YAF2: variants seen among roughly 807,000 people sequenced by gnomAD.
The protein encoded by YAF2 is YY1-associated factor 2.
Under a neutral mutation model 20.1 loss-of-function variants are expected in YAF2, and 7 were observed. That is an observed-to-expected ratio of 0.35 (90% CI 0.20 to 0.65). The LOEUF is 0.65. Ranked by LOEUF, YAF2 falls within the 30% of genes least tolerant of loss-of-function variation. The probability of loss-of-function intolerance (pLI) is 0.69; values close to 1 mark genes in which losing one functional copy is unlikely to be tolerated. For synonymous variants in YAF2, 74 were observed against 76.0 expected, an observed-to-expected ratio of 0.97 and a Z score of 0.14; for missense variants, 151 against 219.2, an observed-to-expected ratio of 0.69 and a Z score of 1.96.
intron 2 of YAF2, among the ~76,000 whole-genome samples, chr12:42,193,617 C>G (rs1041578541): frequency 6.6e-6 from 1 of 152,086 alleles, no homozygotes; most frequent in Non-Finnish European, 1.5e-5. Flanking sequence ...AGTGATCCTC[C>G]CACCTCAGCC....
At position 42,158,241 on chromosome 12, in the gene YAF2, T is replaced by C. The variant is rs1277742123; in HGVS notation, c.*2348A>G. On this transcript the variant is annotated 3_prime_UTR_variant, in exon 4 of 4. Transcript: ENST00000534854. ...TTAATTCATTTCTCCAATCTCATAG[T>C]GCACACCCACCAGGTTCTTTAATTA... The C allele has an allele frequency of 6.6e-6, 1 of 152,198 alleles. No individual in the cohort carries two copies. The highest frequency in any genetic ancestry group is 1.5e-5 in the Non-Finnish European group (1 of 68,020). 9.4% of individuals were successfully genotyped at this position (152,198 alleles called of 1,614,324 possible). A position where few individuals can be genotyped will look rare whatever the true frequency, so the allele number is the denominator to read the frequency against.
chr12:42,177,034 G>A (rs2066214120), intron 2 of YAF2, among the ~76,000 whole-genome samples: 1 of 152,160 alleles, frequency 6.6e-6, no homozygotes, highest in African/African-American at 2.4e-5. Flanking sequence ...AGCAGCCACT[G>A]TGATCCTTCC....
intron 2 of YAF2, among the ~76,000 whole-genome samples, chr12:42,236,571 G>GT (rs2068164478): frequency 1.3e-5 from 2 of 152,054 alleles, no homozygotes; most frequent in African/African-American, 4.8e-5. Flanking sequence ...TCTGTAAAGT[G>GT]TTTTTTAAAA....
chr12:42,189,546 C>T (rs1161172926), intron 2 of YAF2, among the ~76,000 whole-genome samples: 1 of 152,098 alleles, frequency 6.6e-6, no homozygotes, highest in African/African-American at 2.4e-5. Context: ...TGCACAGTAG[C>T]AGAAATGTGA....
Position 42,177,593 on chromosome 12 carries a change from A to G in YAF2, c.153-15828T>C, listed in dbSNP as rs7299729. On this transcript the variant is annotated intron_variant, in intron 2 of 3. Transcript: ENST00000534854. ...CCTCCTACCAGCCTTATCTCCAAAT[A>G]CAGTCACATAGGGGGTGAGGGCTTC... Among the ~76,000 whole-genome samples the G allele has an allele frequency of 9.5e-3, 1,450 of 152,204 alleles. 32 individuals carry two copies. Among genetic ancestry groups the G allele is most frequent in the African/African-American group, 0.033 (1,355 of 41,528 alleles).
intron 2 of YAF2, among the ~76,000 whole-genome samples, chr12:42,206,398 C>T (rs1348730931): frequency 6.6e-6 from 1 of 151,340 alleles, no homozygotes; most frequent in East Asian, 1.9e-4. Flanking sequence ...CACCTGAGGT[C>T]AGGAGTTCGA....
intron 2 of YAF2, chr12:42,212,505 T>C (rs536433433): frequency 6.9e-6 from 3 of 434,026 alleles, no homozygotes; most frequent in African/African-American, 6.1e-5. Flanking sequence ...AAAGAAAGTG[T>C]ATAGTTTTTC....
At chr12:42,221,529 G>A (rs548411586) in intron 2 of YAF2, among the ~76,000 whole-genome samples, 14 of 152,160 alleles carry the variant, frequency 9.2e-5, no homozygotes, top group Admixed American at 7.9e-4. Context: ...ACTGCACTCC[G>A]GCCTGGGTGA....
At chr12:42,228,296 G>C (rs1421376015) in intron 2 of YAF2, among the ~76,000 whole-genome samples, 2 of 32,740 alleles carry the variant, frequency 6.1e-5, no homozygotes, top group Admixed American at 5.3e-4. Flanking sequence ...GGAGGGAGGT[G>C]GGGGGGGGTC....
chr12:42,224,372 CAATAT>C lies in YAF2; in HGVS notation c.152+13222_152+13226del, dbSNP rs150363723. Among the ~76,000 whole-genome samples, 1,323 of 151,878 alleles carry C rather than the reference CAATAT, an allele frequency of 8.7e-3. 19 individuals carry two copies. Among genetic ancestry groups the C allele is most frequent in the African/African-American group, 0.031 (1,284 of 41,248 alleles). On this transcript the variant is annotated intron_variant, in intron 2 of 3. Coordinates refer to ENST00000534854, the MANE Select transcript of YAF2 (RefSeq NM_005748.6). ...CAGAAAATAATTTAGGTGAAGAATA[CAATAT>C]ATTTCTTTTTTTTATTATACTTTAA... is the stretch of plus-strand genomic sequence containing the variant.
chr12:42,219,321 C>T (rs1221451272), intron 2 of YAF2, among the ~76,000 whole-genome samples: 1 of 152,230 alleles, frequency 6.6e-6, no homozygotes, highest in Admixed American at 6.5e-5. Flanking sequence ...CCTCTCTCCT[C>T]TTTACCCTCT....
intron 2 of YAF2, among the ~76,000 whole-genome samples, chr12:42,190,012 T>C (rs1369332195): frequency 6.6e-6 from 1 of 152,240 alleles, no homozygotes. Context: ...TTTAATATAT[T>C]ATACAATGCC....
chr12:42,228,662 G>T (rs1238643824), intron 2 of YAF2, among the ~76,000 whole-genome samples: 4 of 114,612 alleles, frequency 3.5e-5, no homozygotes, highest in Non-Finnish European at 7.2e-5. Context: ...GAGGTGGGGG[G>T]GGGGTCAGCC....
At chr12:42,237,530 C>A in intron 2 of YAF2, 69 bp downstream of exon 2, 1 of 1,412,850 alleles carries the variant, frequency 7.1e-7, no homozygotes, top group Non-Finnish European at 9.3e-7. Context: ...GAGGGGGCGG[C>A]AGCCGCAAGG....
chr12:42,234,709 G>T, intron 2 of YAF2: 1 of 984,494 alleles, frequency 1.0e-6, no homozygotes, highest in Non-Finnish European at 1.2e-6. Flanking sequence ...CTTTAAAGGG[G>T]CCGAATGGTG....
chr12:42,204,120 C>T (rs1471678084), intron 2 of YAF2, among the ~76,000 whole-genome samples: 1 of 152,076 alleles, frequency 6.6e-6, no homozygotes, highest in Non-Finnish European at 1.5e-5. Context: ...CCACTTCACA[C>T]AAACTAGAAA....
chr12:42,161,445 G>T, intron 3 of YAF2, 168 bp downstream of exon 3: 2 of 656,920 alleles, frequency 3.0e-6, no homozygotes, highest in Non-Finnish European at 4.4e-6. Context: ...TGGCTTCTGT[G>T]TTTAATTTCC....
intron 2 of YAF2, among the ~76,000 whole-genome samples, chr12:42,214,760 T>C (rs1163055912): frequency 1.3e-5 from 2 of 151,810 alleles, no homozygotes; most frequent in Non-Finnish European, 2.9e-5. Flanking sequence ...TTCCAGCACT[T>C]TGGGAGGCTG....
intron 2 of YAF2, among the ~76,000 whole-genome samples, chr12:42,195,083 A>C (rs2066715643): frequency 6.6e-6 from 1 of 152,236 alleles, no homozygotes; most frequent in Admixed American, 6.5e-5. Flanking sequence ...CGTGAGAAAC[A>C]AGAAACATAC....
Sources: gnomAD v4.1 joint callset for allele counts (sites outside exome capture counted in the v4.1 genomes callset) on GRCh38, gnomAD v4.1.1 for gene constraint, MANE v1.5 for transcripts, NCBI Gene and HGNC (gene_info 2026-07-23, HGNC 2026-07-21) for gene names.